Variants in GABRB3 observed in about 807,000 individuals in gnomAD.
The protein encoded by GABRB3 is gamma-aminobutyric acid receptor subunit beta-3.
GABRB3 carries 14 observed loss-of-function variants against 52.1 expected under a neutral mutation model. The ratio of observed to expected loss-of-function variants is 0.27; its 90% CI spans 0.18 to 0.42. GABRB3 has a LOEUF of 0.42. Ranked by LOEUF, GABRB3 falls within the 10% of genes least tolerant of loss-of-function variation. The pLI is 1.00. For synonymous variants in GABRB3, 260 were observed against 232.3 expected (o/e 1.12, Z -1.08); for missense variants, 307 against 609.1 (o/e 0.50, Z 5.22).
chr15:26,575,286 C>T (rs1044709621), intron 6 of GABRB3, among the ~76,000 whole-genome samples: 3 of 152,178 alleles, frequency 2.0e-5, no homozygotes, highest in Non-Finnish European at 2.9e-5. Flanking sequence ...ACCAGTTAAG[C>T]GCTGCCTTGG....
At chr15:26,660,231 GAA>G (rs1262318777) in intron 3 of GABRB3, among the ~76,000 whole-genome samples, 1 of 137,878 alleles carries the variant, frequency 7.3e-6, no homozygotes, top group Non-Finnish European at 1.6e-5. Flanking sequence ...CTCCATCTCG[GAA>G]AAAAAAAAAA....
chr15:26,691,613 T>G (rs1888591352), intron 3 of GABRB3, among the ~76,000 whole-genome samples: 1 of 152,194 alleles, frequency 6.6e-6, no homozygotes, highest in Admixed American at 6.5e-5. Flanking sequence ...GAATCACAAT[T>G]TGTTTAATGA....
intron 4 of GABRB3, chr15:26,613,810 G>A (rs1892162737): frequency 6.6e-6 from 1 of 152,202 alleles, no homozygotes; most frequent in African/African-American, 2.4e-5. Flanking sequence ...GAAAGGTAAT[G>A]TAATAGAAAG....
At chr15:26,624,218 T>G (rs1333636642) in intron 3 of GABRB3, 1 of 985,510 alleles carries the variant, frequency 1.0e-6, no homozygotes, top group Non-Finnish European at 1.2e-6. Context: ...CTTTCGCTGG[T>G]GTGGGCGGTG....
At chr15:26,684,757 A>G (rs150394827) in intron 3 of GABRB3, among the ~76,000 whole-genome samples, 200 of 152,212 alleles carry the variant, frequency 1.3e-3, no homozygotes, top group African/African-American at 4.7e-3. Flanking sequence ...AACACACACA[A>G]CACTGATGGA....
At chr15:26,629,073 T>G in intron 3 of GABRB3, 1 of 1,536,046 alleles carries the variant, frequency 6.5e-7, no homozygotes, top group South Asian at 1.2e-5. Context: ...TCCGCCACGC[T>G]AACCGGAAGT....
At chr15:26,717,796 T>C (rs1304011682) in intron 3 of GABRB3, among the ~76,000 whole-genome samples, 1 of 152,194 alleles carries the variant, frequency 6.6e-6, no homozygotes, top group Non-Finnish European at 1.5e-5. Context: ...GTCTTGTCAG[T>C]CTGGTATTTG....
At chr15:26,747,229 A>G (rs940675519) in intron 3 of GABRB3, among the ~76,000 whole-genome samples, 1 of 152,162 alleles carries the variant, frequency 6.6e-6, no homozygotes, top group Non-Finnish European at 1.5e-5. Context: ...AGACTTCAAT[A>G]TAAATTTTAG....
chr15:26,751,991 G>A (rs1257417959), intron 3 of GABRB3, among the ~76,000 whole-genome samples: 1 of 152,068 alleles, frequency 6.6e-6, no homozygotes, highest in Non-Finnish European at 1.5e-5. Flanking sequence ...CCTCTCCCAA[G>A]AAATAAATTG....
At chr15:26,667,597 T>C (rs956925194) in intron 3 of GABRB3, among the ~76,000 whole-genome samples, 7 of 152,224 alleles carry the variant, frequency 4.6e-5, no homozygotes, top group African/African-American at 1.7e-4. Flanking sequence ...TTCTCTTTGG[T>C]ATTAAAAGGT....
At chr15:26,569,276 G>T (rs949259470) in intron 6 of GABRB3, 4 of 152,164 alleles carry the variant, frequency 2.6e-5, no homozygotes, top group Non-Finnish European at 4.4e-5. Flanking sequence ...TTGCAGCCAG[G>T]ATTATATAAA....
At chr15:26,585,972 T>C (rs1298071236) in intron 4 of GABRB3, among the ~76,000 whole-genome samples, 1 of 152,174 alleles carries the variant, frequency 6.6e-6, no homozygotes, top group Admixed American at 6.5e-5. Flanking sequence ...CTGACAATGT[T>C]CAAATTTTTT....
intron 4 of GABRB3, among the ~76,000 whole-genome samples, chr15:26,609,115 C>T (rs1031798796): frequency 2.7e-4 from 19 of 70,986 alleles, no homozygotes; most frequent in Non-Finnish European, 7.1e-4. Flanking sequence ...CACACACACA[C>T]ACACACACAC....
At chr15:26,756,025 T>C (rs114936354) in intron 3 of GABRB3, among the ~76,000 whole-genome samples, 124 of 152,316 alleles carry the variant, frequency 8.1e-4, no homozygotes, top group African/African-American at 2.9e-3. Context: ...TAAAGTTACA[T>C]GTAAAAGTAT....
At chr15:26,574,711 T>G (rs1890529463) in intron 6 of GABRB3, among the ~76,000 whole-genome samples, 1 of 152,112 alleles carries the variant, frequency 6.6e-6, no homozygotes, top group African/African-American at 2.4e-5. Flanking sequence ...AAGGAGAAAC[T>G]AGATTAGTGG....
At chr15:26,727,861 C>T (rs1298677665) in intron 3 of GABRB3, among the ~76,000 whole-genome samples, 5 of 152,178 alleles carry the variant, frequency 3.3e-5, no homozygotes, top group Admixed American at 1.3e-4. Context: ...TTTTCTTAGA[C>T]AATGAGAAAC....
At chr15:26,589,151 G>A (rs1293875002) in intron 4 of GABRB3, among the ~76,000 whole-genome samples, 1 of 152,144 alleles carries the variant, frequency 6.6e-6, no homozygotes, top group Admixed American at 6.5e-5. Context: ...ATACTTTCTG[G>A]CATTAGCATT....
intron 3 of GABRB3, among the ~76,000 whole-genome samples, chr15:26,730,677 T>C (rs1889888229): frequency 6.6e-6 from 1 of 152,210 alleles, no homozygotes. Context: ...GTTTGGTATC[T>C]ATATTAATGA....
At chr15:26,683,716 G>A (rs1420603096) in intron 3 of GABRB3, among the ~76,000 whole-genome samples, 1 of 152,118 alleles carries the variant, frequency 6.6e-6, no homozygotes. Context: ...ATGCTCCTAG[G>A]GGGCAGGGTC....
Sources: allele counts gnomAD v4.1 joint callset (sites outside exome capture counted in the v4.1 genomes callset), GRCh38; gene constraint gnomAD v4.1.1; transcripts MANE v1.5; gene names NCBI Gene and HGNC (gene_info 2026-07-23, HGNC 2026-07-21).